CADPS2: variants seen among roughly 807,000 people sequenced by gnomAD.
CADPS2 encodes the protein calcium-dependent secretion activator 2.
In CADPS2, 93 loss-of-function variants were observed where a neutral mutation model predicts 172.5. The ratio of observed to expected loss-of-function variants is 0.54; its 90% CI spans 0.46 to 0.64. CADPS2 has a LOEUF of 0.64. CADPS2 is among the 30% of genes least tolerant of loss of function. The pLI, the probability that CADPS2 is intolerant of heterozygous loss-of-function variation, is 0.00. For synonymous variants in CADPS2, 546 were observed against 555.2 expected, an observed-to-expected ratio of 0.98 and a Z score of 0.23; for missense variants, 1,420 against 1,565.9, an observed-to-expected ratio of 0.91 and a Z score of 1.57.
At chr7:122,646,879 G>A (rs1451158226) in intron 3 of CADPS2, among the ~76,000 whole-genome samples, 1 of 152,048 alleles carries the variant, frequency 6.6e-6, no homozygotes, top group African/African-American at 2.4e-5. Context: ...CTCCAGCTAT[G>A]GCAATTGCTA....
intron 1 of CADPS2, among the ~76,000 whole-genome samples, chr7:122,866,813 T>C (rs1387428319): frequency 6.6e-6 from 1 of 152,134 alleles, no homozygotes; most frequent in East Asian, 1.9e-4. Flanking sequence ...CCTGAAACTT[T>C]TGAAAACCTT....
At chr7:122,745,788 C>CA (rs1259381994) in intron 1 of CADPS2, among the ~76,000 whole-genome samples, 2 of 151,778 alleles carry the variant, frequency 1.3e-5, no homozygotes. Context: ...CCTGACCCCA[C>CA]AAAAAAGTCG....
intron 2 of CADPS2, among the ~76,000 whole-genome samples, chr7:122,694,524 A>G (rs1342925660): frequency 2.0e-5 from 3 of 152,196 alleles, no homozygotes; most frequent in Non-Finnish European, 4.4e-5. Flanking sequence ...GAGGTCTGAT[A>G]AAGATGCTGC....
At chr7:122,607,528 TCAA>T (rs1288333917) in intron 6 of CADPS2, among the ~76,000 whole-genome samples, 2 of 152,154 alleles carry the variant, frequency 1.3e-5, no homozygotes, top group African/African-American at 4.8e-5. Context: ...AAGCTGTAAA[TCAA>T]CAACAAATAC....
At chr7:122,698,143 C>T (rs1319292535) in intron 2 of CADPS2, 3 of 1,613,916 alleles carry the variant, frequency 1.9e-6, no homozygotes, top group Non-Finnish European at 2.5e-6. Context: ...GCGTTCAAAG[C>T]AAATTACGCA....
chr7:122,538,965 T>G (rs2062618835), intron 8 of CADPS2, among the ~76,000 whole-genome samples: 2 of 152,242 alleles, frequency 1.3e-5, no homozygotes, highest in African/African-American at 4.8e-5. Context: ...TAACAATGAA[T>G]GTAGGTCTTA....
intron 17 of CADPS2, among the ~76,000 whole-genome samples, chr7:122,437,842 C>T (rs1404482481): frequency 6.6e-6 from 1 of 150,994 alleles, no homozygotes; most frequent in Non-Finnish European, 1.5e-5. Flanking sequence ...CTCAAGAGAT[C>T]TAATCTTTCA....
chr7:122,590,484 T>G (rs1338321059), intron 6 of CADPS2, among the ~76,000 whole-genome samples: 2 of 151,948 alleles, frequency 1.3e-5, no homozygotes, highest in African/African-American at 4.8e-5. Flanking sequence ...GACATTCCCC[T>G]TGTATGGCTG....
chr7:122,883,308 T>C (rs1823448562), intron 1 of CADPS2, among the ~76,000 whole-genome samples: 1 of 152,156 alleles, frequency 6.6e-6, no homozygotes, highest in African/African-American at 2.4e-5. Context: ...GATCTTATCT[T>C]TGTGATTAAT....
intron 1 of CADPS2, among the ~76,000 whole-genome samples, chr7:122,748,192 A>G (rs757206641): frequency 1.3e-5 from 2 of 152,168 alleles, no homozygotes; most frequent in Non-Finnish European, 2.9e-5. Context: ...AGTGAAGAGG[A>G]GGGAGCAGAC....
At chr7:122,561,180 A>C (rs1261630855) in intron 7 of CADPS2, among the ~76,000 whole-genome samples, 1 of 152,062 alleles carries the variant, frequency 6.6e-6, no homozygotes, top group Non-Finnish European at 1.5e-5. Flanking sequence ...TGTCAACCTT[A>C]TTTTCCATGG....
intron 1 of CADPS2, among the ~76,000 whole-genome samples, chr7:122,851,431 T>C (rs994805061): frequency 6.6e-6 from 1 of 152,208 alleles, no homozygotes; most frequent in Non-Finnish European, 1.5e-5. Flanking sequence ...GCAGTTCAGC[T>C]ATCAATTATG....
intron 20 of CADPS2, among the ~76,000 whole-genome samples, chr7:122,397,116 AG>A (rs1186879916): frequency 6.6e-6 from 1 of 152,152 alleles, no homozygotes; most frequent in Admixed American, 6.5e-5. Flanking sequence ...TGAATATAAA[AG>A]TTGGTTATTT....
chr7:122,452,995 G>A (rs2053321246), intron 14 of CADPS2, among the ~76,000 whole-genome samples: 1 of 152,064 alleles, frequency 6.6e-6, no homozygotes, highest in Admixed American at 6.6e-5. Flanking sequence ...TGACCTTTCA[G>A]TCAAATCAAA....
chr7:122,347,186 T>G (rs1381040440), intron 27 of CADPS2, among the ~76,000 whole-genome samples: 1 of 152,118 alleles, frequency 6.6e-6, no homozygotes, highest in East Asian at 1.9e-4. Flanking sequence ...ATGGGTCATT[T>G]AACTATTACC....
intron 1 of CADPS2, among the ~76,000 whole-genome samples, chr7:122,829,025 C>G (rs1805737437): frequency 6.6e-6 from 1 of 152,140 alleles, no homozygotes; most frequent in Non-Finnish European, 1.5e-5. Flanking sequence ...TGTTTTAAAT[C>G]ATTTTAAAAG....
chr7:122,852,006 G>A (rs539393457), intron 1 of CADPS2, among the ~76,000 whole-genome samples: 3 of 152,316 alleles, frequency 2.0e-5, no homozygotes, highest in African/African-American at 4.8e-5. Flanking sequence ...CCAGGAAACT[G>A]AGGCATAAGC....
chr7:122,495,160 T>C (rs1306571578), intron 9 of CADPS2, among the ~76,000 whole-genome samples: 8 of 152,136 alleles, frequency 5.3e-5, no homozygotes, highest in Non-Finnish European at 1.0e-4. Context: ...TAAAGAAAAG[T>C]ACAATAATAC....
chr7:122,875,971 A>C (rs539511718), intron 1 of CADPS2, among the ~76,000 whole-genome samples: 6 of 152,206 alleles, frequency 3.9e-5, no homozygotes, highest in Non-Finnish European at 5.9e-5. Flanking sequence ...AAGGATACAA[A>C]CTATTGATTT....
Sources: gnomAD v4.1 joint callset for allele counts (sites outside exome capture counted in the v4.1 genomes callset) on GRCh38, gnomAD v4.1.1 for gene constraint, MANE v1.5 for transcripts, NCBI Gene and HGNC (gene_info 2026-07-23, HGNC 2026-07-21) for gene names.